ACCS: variants seen among roughly 807,000 people sequenced by gnomAD.
ACCS encodes the protein 1-aminocyclopropane-1-carboxylate synthase homolog (inactive).
A neutral mutation model predicts 59.8 loss-of-function variants in ACCS; 42 were observed. The observed-to-expected ratio is 0.70, with a 90% confidence interval of 0.55 to 0.91. ACCS has a LOEUF of 0.91. Among genes scored for constraint, ACCS ranks in the 40% least tolerant of loss-of-function variants. ACCS has a pLI of 0.00. For synonymous variants in ACCS, 230 were observed against 240.3 expected (o/e 0.96, Z 0.40); for missense variants, 602 against 630.4 (o/e 0.95, Z 0.48).
intron 12 of ACCS, 85 bp from the exon 13 acceptor site, chr11:44,083,084 C>T (rs1198701444): frequency 1.3e-6 from 2 of 1,552,918 alleles, no homozygotes; most frequent in Admixed American, 3.5e-5. Context: ...CAGCTTGTGG[C>T]CTTTTTCTTT....
At chr11:44,079,499 AG>A (rs1263780848) in intron 9 of ACCS, 31 bp from the exon 10 acceptor site, 22 of 1,580,054 alleles carry the variant, frequency 1.4e-5, no homozygotes, top group Non-Finnish European at 1.9e-5. Flanking sequence ...CTACACACTA[AG>A]TCTCTCCTCC....
chr11:44,083,906 G>A lies in ACCS; in HGVS notation c.*114G>A. On this transcript the variant is annotated 3_prime_UTR_variant, in exon 15 of 15. Transcript: ENST00000263776. ...CATTTGCCAGGAAGGTATCTAACTTGGCTTTGTGCCTGAAGAACTGTTTCT... is the reference window on the plus strand; with the variant it reads ...CATTTGCCAGGAAGGTATCTAACTTAGCTTTGTGCCTGAAGAACTGTTTCT... 6.7e-7 allele frequency: 1 copy of A among 1,503,274 alleles called. No individual in the cohort carries two copies. Among genetic ancestry groups the A allele is most frequent in the Non-Finnish European group, 8.9e-7 (1 of 1,126,060 alleles). The allele number at this position is 1,503,274 out of a possible 1,614,324, so 93.1% of individuals were successfully genotyped here.
At chr11:44,069,805 C>T (rs1267743416) in intron 2 of ACCS, among the ~76,000 whole-genome samples, 1 of 152,214 alleles carries the variant, frequency 6.6e-6, no homozygotes, top group African/African-American at 2.4e-5. Flanking sequence ...GCCACAGACT[C>T]TTTATAACCT....
At chr11:44,075,328 C>T (rs1590483527) in intron 5 of ACCS, among the ~76,000 whole-genome samples, 198 bp from the exon 6 acceptor site, 1 of 152,216 alleles carries the variant, frequency 6.6e-6, no homozygotes, top group Non-Finnish European at 1.5e-5. Flanking sequence ...GACCAGCCCC[C>T]TCTTCCTGGC....
intron 1 of ACCS, chr11:44,067,280 G>C: frequency 4.8e-6 from 1 of 209,646 alleles, no homozygotes; most frequent in Non-Finnish European, 9.6e-6. Flanking sequence ...ATTTTAACCT[G>C]GCATTTGGTA....
chr11:44,076,706 A>C (rs1953378194), intron 6 of ACCS, among the ~76,000 whole-genome samples: 1 of 152,252 alleles, frequency 6.6e-6, no homozygotes, highest in African/African-American at 2.4e-5. Context: ...AATGCTTAGC[A>C]AATGTTAGCT....
intron 4 of ACCS, among the ~76,000 whole-genome samples, chr11:44,073,786 G>C (rs1275953611): frequency 2.6e-5 from 4 of 152,236 alleles, no homozygotes; most frequent in Admixed American, 1.3e-4. Flanking sequence ...CAGCACAGGA[G>C]CTCGCTAGTC....
intron 5 of ACCS, among the ~76,000 whole-genome samples, chr11:44,075,071 G>A (rs1344993348): frequency 2.0e-5 from 3 of 152,018 alleles, no homozygotes; most frequent in South Asian, 4.2e-4. Context: ...TGATCTGCCC[G>A]CCTTGACCTC....
intron 2 of ACCS, among the ~76,000 whole-genome samples, chr11:44,069,280 C>T (rs1052911234): frequency 1.3e-5 from 2 of 151,708 alleles, no homozygotes; most frequent in Non-Finnish European, 2.9e-5. Flanking sequence ...AGTGCAGTGG[C>T]ATGATCTCGG....
intron 2 of ACCS, among the ~76,000 whole-genome samples, chr11:44,069,121 A>T (rs1270381719): frequency 5.9e-5 from 9 of 152,272 alleles, no homozygotes. Context: ...TTGTTGCATA[A>T]CAAATGACCT....
chr11:44,080,905 C>A, intron 10 of ACCS, 115 bp from the exon 11 acceptor site: 1 of 1,336,292 alleles, frequency 7.5e-7, no homozygotes, highest in Non-Finnish European at 1.1e-6. Flanking sequence ...GAAACCAGGG[C>A]TTGTCCTGGA....
chr11:44,075,584 A>G lies in ACCS; in HGVS notation c.548A>G (p.Glu183Gly). ...LFSALATVLC[E>G]AGEAFLIPTP... is the part of the protein sequence containing the mutation. ...TCTGCTCTGGCCACGGTGCTGTGTGAGGCCGGGGGTAAGTGAGCTCTGTGG... is the reference window on the plus strand; with the variant it reads ...TCTGCTCTGGCCACGGTGCTGTGTGGGGCCGGGGGTAAGTGAGCTCTGTGG... Residue 183 changes from glutamate to glycine, a missense_variant, in exon 6 of 15, where the codon GAG (glutamate) becomes GGG (glycine). Coordinates refer to ENST00000263776, the MANE Select transcript of ACCS (RefSeq NM_032592.4). 6.2e-7 allele frequency: 1 copy of G among 1,614,066 alleles called. No homozygotes were observed. The highest frequency in any genetic ancestry group is 8.5e-7 in the Non-Finnish European group (1 of 1,180,026).
Position 44,079,587 on chromosome 11 carries a change from C to T in ACCS, c.890C>T (p.Ser297Phe). Reference protein sequence around the residue: ...EVYMLSVFEKSVGYRSVLSLE... With the variant: ...EVYMLSVFEKFVGYRSVLSLE... Reference sequence around the variant, plus strand: ...TACATGCTGTCCGTGTTTGAGAAGTCTGTTGGGTACCGCAGTGTCCTAAGC... The same window carrying T: ...TACATGCTGTCCGTGTTTGAGAAGTTTGTTGGGTACCGCAGTGTCCTAAGC... Residue 297 changes from serine to phenylalanine, a missense_variant, in exon 10 of 15, where the codon TCT (serine) becomes TTT (phenylalanine). Physicochemically the swap from Ser to Phe is radical, Grantham distance 155. Coordinates refer to ENST00000263776, the MANE Select transcript of ACCS (RefSeq NM_032592.4). 6.2e-7 allele frequency: 1 copy of T among 1,612,070 alleles called. No homozygotes were observed. The highest frequency in any genetic ancestry group is 8.5e-7 in the Non-Finnish European group (1 of 1,179,392).
chr11:44,067,665 C>G lies in ACCS; in HGVS notation c.38C>G (p.Thr13Ser). 6.2e-7 allele frequency: 1 copy of G among 1,613,618 alleles called. No individual in the cohort carries two copies. Among genetic ancestry groups the G allele is most frequent in the African/African-American group, 1.3e-5 (1 of 75,040 alleles). The change falls in exon 2 of 15, where the codon ACC becomes AGC. Residue 13 changes from threonine to serine, a missense_variant. Physicochemically the swap from Thr to Ser is moderately conservative, Grantham distance 58. Coordinates refer to ENST00000263776, the MANE Select transcript of ACCS (RefSeq NM_032592.4). ...CCTCAAAAGGACTTCAGGGCTCCCA[C>G]CACCTGTCTGGGCCCCACCTGCATG... ...TLPQKDFRAP[T>S]TCLGPTCMQD...
At chr11:44,074,506 T>G in intron 4 of ACCS, 106 bp from the exon 5 acceptor site, 1 of 849,998 alleles carries the variant, frequency 1.2e-6, no homozygotes, top group Non-Finnish European at 2.0e-6. Flanking sequence ...CATGGGAAAT[T>G]AGGGAAGAGT....
chr11:44,075,879 G>A, intron 6 of ACCS: 1 of 361,220 alleles, frequency 2.8e-6, no homozygotes, highest in Non-Finnish European at 5.1e-6. Context: ...CTTAGAGCAG[G>A]AAGAAAGGGA....
chr11:44,074,827 A>AT (rs1369147474), intron 5 of ACCS, 146 bp downstream of exon 5: 8 of 264,288 alleles, frequency 3.0e-5, no homozygotes, highest in African/African-American at 2.4e-4. Flanking sequence ...TTTTTTTTTT[A>AT]TTTTTTTTAT....
At chr11:44,078,578 C>G in intron 8 of ACCS, 106 bp from the exon 9 acceptor site, 2 of 802,472 alleles carry the variant, frequency 2.5e-6, no homozygotes, top group Non-Finnish European at 4.1e-6. Context: ...TGAACATGTC[C>G]CCCTCAAATC....
chr11:44,083,083 G>A lies in ACCS; in HGVS notation c.1112-86G>A, dbSNP rs977076622. Reference sequence around the variant, plus strand: ...CTCAACAGCATCCTGGCAGCTTGTGGCCTTTTTCTTTACAGCATTTAGACT... The same window carrying A: ...CTCAACAGCATCCTGGCAGCTTGTGACCTTTTTCTTTACAGCATTTAGACT... On this transcript the variant is annotated intron_variant, in intron 12 of 14. Transcript: ENST00000263776. The A allele has an allele frequency of 1.9e-5, 29 of 1,549,110 alleles. No individual in the cohort carries two copies. The African/African-American group carries it at 3.0e-4, about 16-fold the overall frequency.
Sources: gnomAD v4.1 joint callset for allele counts (sites outside exome capture counted in the v4.1 genomes callset) on GRCh38, gnomAD v4.1.1 for gene constraint, MANE v1.5 for transcripts, NCBI Gene and HGNC (gene_info 2026-07-23, HGNC 2026-07-21) for gene names.